CDH2: variants seen among roughly 807,000 people sequenced by gnomAD.
CDH2 encodes cadherin-2.
CDH2 carries 17 observed loss-of-function variants against 92.0 expected under a neutral mutation model. The observed-to-expected ratio is 0.18, with a 90% CI of 0.13 to 0.28. The LOEUF is 0.28. CDH2 is among the 10% of genes least tolerant of loss of function. CDH2 has a pLI of 1.00. For synonymous variants in CDH2, 419 were observed against 415.9 expected (o/e 1.01, Z -0.09); for missense variants, 862 against 1,133.1 (o/e 0.76, Z 3.44).
chr18:28,019,650 G>A (rs771136375), intron 2 of CDH2, among the ~76,000 whole-genome samples: 37 of 152,060 alleles, frequency 2.4e-4, no homozygotes, highest in Non-Finnish European at 4.7e-4. Context: ...TTGTATAAAG[G>A]TCAGTCATTT....
chr18:27,978,279 A>G (rs1236432448), intron 14 of CDH2, among the ~76,000 whole-genome samples: 1 of 152,216 alleles, frequency 6.6e-6, no homozygotes, highest in Admixed American at 6.5e-5. Context: ...TATAGTCAGA[A>G]AACTTACCCT....
At chr18:28,091,188 G>GT (rs781539894) in intron 2 of CDH2, among the ~76,000 whole-genome samples, 5 of 152,070 alleles carry the variant, frequency 3.3e-5, no homozygotes, top group Non-Finnish European at 7.4e-5. Flanking sequence ...GTTTTGTTTT[G>GT]TTTTTTTCCT....
At chr18:28,067,171 A>C (rs1281014167) in intron 2 of CDH2, among the ~76,000 whole-genome samples, 1 of 152,164 alleles carries the variant, frequency 6.6e-6, no homozygotes, top group African/African-American at 2.4e-5. Context: ...GGTTTTGTTT[A>C]CTTTTGGTTT....
intron 2 of CDH2, among the ~76,000 whole-genome samples, chr18:28,130,498 T>A (rs1346332810): frequency 6.6e-6 from 1 of 152,252 alleles, no homozygotes; most frequent in Non-Finnish European, 1.5e-5. Flanking sequence ...TTCTGACAAC[T>A]ACTGCTCTGA....
intron 5 of CDH2, among the ~76,000 whole-genome samples, chr18:28,009,113 A>C (rs2013025098): frequency 6.6e-6 from 1 of 152,200 alleles, no homozygotes; most frequent in African/African-American, 2.4e-5. Flanking sequence ...CTTTATCAAC[A>C]TCTCTGGAAA....
chr18:28,144,574 G>A (rs2016005903), intron 2 of CDH2, among the ~76,000 whole-genome samples: 1 of 151,766 alleles, frequency 6.6e-6, no homozygotes, highest in South Asian at 2.1e-4. Flanking sequence ...AATCCCTAAA[G>A]AAAAATCAAA....
At chr18:28,075,009 ATCT>A (rs2014692307) in intron 2 of CDH2, among the ~76,000 whole-genome samples, 1 of 152,152 alleles carries the variant, frequency 6.6e-6, no homozygotes, top group Non-Finnish European at 1.5e-5. Context: ...GGCAATTCAC[ATCT>A]TCTTTGGGCT....
chr18:28,013,994 CT>C (rs2013173869), intron 2 of CDH2, 85 bp from the exon 3 acceptor site: 1 of 867,270 alleles, frequency 1.2e-6, no homozygotes, highest in Admixed American at 2.6e-5. Flanking sequence ...CTATATCCTG[CT>C]TAGGTTAAAG....
intron 4 of CDH2, among the ~76,000 whole-genome samples, chr18:28,011,457 G>A (rs1175945843): frequency 6.6e-6 from 1 of 152,000 alleles, no homozygotes. Flanking sequence ...TTTTTTCTGT[G>A]GCCCAAAAAC....
chr18:28,070,004 T>G (rs540087020), intron 2 of CDH2, among the ~76,000 whole-genome samples: 1 of 152,126 alleles, frequency 6.6e-6, no homozygotes, highest in Non-Finnish European at 1.5e-5. Context: ...AGAAGCCTAG[T>G]AGGCAGAGGC....
At chr18:28,145,015 C>T (rs935231314) in intron 2 of CDH2, among the ~76,000 whole-genome samples, 13 of 152,044 alleles carry the variant, frequency 8.6e-5, no homozygotes, top group Non-Finnish European at 1.8e-4. Flanking sequence ...TGACAAATAC[C>T]AACTTATGTC....
At chr18:28,000,339 C>G (rs1280225200) in intron 7 of CDH2, among the ~76,000 whole-genome samples, 1 of 152,102 alleles carries the variant, frequency 6.6e-6, no homozygotes, top group Non-Finnish European at 1.5e-5. Flanking sequence ...TGGGCTCAAG[C>G]CATCCACCCA....
chr18:28,072,318 C>G (rs1452139789), intron 2 of CDH2, among the ~76,000 whole-genome samples: 1 of 152,148 alleles, frequency 6.6e-6, no homozygotes, highest in East Asian at 1.9e-4. Context: ...ATACCACATG[C>G]CTTCCAGCTT....
At chr18:28,062,738 C>T (rs911173159) in intron 2 of CDH2, among the ~76,000 whole-genome samples, 6 of 152,152 alleles carry the variant, frequency 3.9e-5, no homozygotes, top group Admixed American at 3.3e-4. Flanking sequence ...CTTTAGAAGT[C>T]CAAGGCGAGC....
At chr18:28,167,777 T>C (rs1349821997) in intron 1 of CDH2, among the ~76,000 whole-genome samples, 1 of 152,176 alleles carries the variant, frequency 6.6e-6, no homozygotes, top group East Asian at 1.9e-4. Context: ...GTGTATTATA[T>C]GTACATAATC....
At chr18:27,936,949 T>C (rs1291091436) in intron 6 of CDH2, among the ~76,000 whole-genome samples, 1 of 152,204 alleles carries the variant, frequency 6.6e-6, no homozygotes, top group Non-Finnish European at 1.5e-5. Context: ...TTTAGAGATA[T>C]TCTAATTCAA....
chr18:28,053,019 A>ACATG (rs1300194956), intron 2 of CDH2, among the ~76,000 whole-genome samples: 1 of 152,178 alleles, frequency 6.6e-6, no homozygotes, highest in East Asian at 1.9e-4. Flanking sequence ...TTGGACACAG[A>ACATG]CATGCATGTG....
In CDH2 at chr18:28,019,979, C is replaced by G. The variant is rs13381288; in HGVS notation, c.173-6070G>C. ...GGAGCAATCCATGTATGGTACCTGG[C>G]TCATGATTATATGCTTCTTCCATGT... On this transcript the variant is annotated intron_variant, in intron 2 of 15. Transcript: ENST00000269141. 1.1e-3 allele frequency among the ~76,000 whole-genome samples: 160 copies of G among 152,200 alleles called. 1 individual carries two copies. The highest frequency in any genetic ancestry group is 3.8e-3 in the African/African-American group (157 of 41,546).
intron 2 of CDH2, among the ~76,000 whole-genome samples, chr18:28,115,392 C>G (rs554235728): frequency 6.6e-6 from 1 of 152,308 alleles, no homozygotes; most frequent in Admixed American, 6.5e-5. Flanking sequence ...GTGTGAATCA[C>G]TGTGCTGTCC....
Sources: allele counts gnomAD v4.1 joint callset (sites outside exome capture counted in the v4.1 genomes callset), GRCh38; gene constraint gnomAD v4.1.1; transcripts MANE v1.5; gene names NCBI Gene and HGNC (gene_info 2026-07-23, HGNC 2026-07-21).